Variants in GSR observed in about 807,000 individuals in gnomAD.
The protein encoded by GSR is glutathione-disulfide reductase, also known as glutathione reductase, mitochondrial.
A neutral mutation model predicts 56.5 loss-of-function variants in GSR; 48 were observed. The ratio of observed to expected loss-of-function variants is 0.85; its 90% CI spans 0.67 to 1.08. GSR has a LOEUF of 1.08. Among genes scored for constraint, GSR ranks in the 50% least tolerant of loss-of-function variants. GSR has a pLI of 0.00. For missense variants in GSR, 694 were observed against 703.3 expected (o/e 0.99, Z 0.15); for synonymous variants, 264 against 270.8 (o/e 0.97, Z 0.25).
At chr8:30,689,371 G>GGGAA in intron 8 of GSR, 52 bp from the exon 9 acceptor site, 2 of 1,480,950 alleles carry the variant, frequency 1.4e-6, no homozygotes, top group Non-Finnish European at 1.9e-6. Flanking sequence ...GGGAGGACAG[G>GGGAA]GGAAGAAGGA....
intron 1 of GSR, among the ~76,000 whole-genome samples, chr8:30,724,219 G>A (rs544986844): frequency 6.6e-6 from 1 of 151,968 alleles, no homozygotes; most frequent in Non-Finnish European, 1.5e-5. Context: ...AAACTGAAAG[G>A]AAAAGAAAAA....
chr8:30,680,665 G>T (rs1349841644), intron 12 of GSR, among the ~76,000 whole-genome samples: 1 of 152,100 alleles, frequency 6.6e-6, no homozygotes, highest in African/African-American at 2.4e-5. Flanking sequence ...AGCGTGCTGG[G>T]ATTACAGGTG....
intron 5 of GSR, among the ~76,000 whole-genome samples, chr8:30,700,961 C>T (rs1803716970): frequency 6.6e-6 from 1 of 152,054 alleles, no homozygotes; most frequent in African/African-American, 2.4e-5. Context: ...GTTGCAGTTC[C>T]ATGTTTCTAA....
rs1391444544 is a variant in GSR, at chr8:30,727,562, C to T, written c.274G>A (p.Val92Met). Residue 92 changes from valine (V) to methionine (M), a missense_variant, in exon 1 of 13, where the codon GTG becomes ATG. Transcript: ENST00000221130. ...CCACCCAGCTTGTGGCTCTCCACCA[C>T]GGCGGCCCTGGCACCCAGCTCGGCC... ...RAAELGARAA[V>M]VESHKLGGTC... The T allele has an allele frequency of 2.1e-5, 32 of 1,536,126 alleles. No homozygotes were observed. Among genetic ancestry groups the T allele is most frequent in the Non-Finnish European group, 2.7e-5 (31 of 1,145,028 alleles).
intron 10 of GSR, 66 bp from the exon 11 acceptor site, chr8:30,682,127 C>G: frequency 7.5e-7 from 1 of 1,329,710 alleles, no homozygotes; most frequent in Non-Finnish European, 1.1e-6. Flanking sequence ...AATTGTTCCA[C>G]TAGCCATTTA....
At chr8:30,720,047 A>G (rs1386573522) in intron 1 of GSR, among the ~76,000 whole-genome samples, 1 of 151,904 alleles carries the variant, frequency 6.6e-6, no homozygotes. Flanking sequence ...TCGTCTCCAC[A>G]AATAAAAAAT....
At chr8:30,722,587 G>GCA (rs1191376281) in intron 1 of GSR, among the ~76,000 whole-genome samples, 1 of 151,884 alleles carries the variant, frequency 6.6e-6, no homozygotes, top group Non-Finnish European at 1.5e-5. Context: ...ATCAGCCAGG[G>GCA]CATGGTGGTG....
rs995820319 is a variant in GSR, at chr8:30,682,834, A to T, written c.1154-773T>A. On this transcript the variant is annotated intron_variant, in intron 10 of 12. Transcript: ENST00000221130. The stretch of plus-strand genomic sequence containing the variant: ...TTATTATCATTATTATTATATTATT[A>T]TTTTTTTTTTTTAGACAGAGTCTCG... Among the ~76,000 whole-genome samples, 13 of 144,880 alleles carry T rather than the reference A, an allele frequency of 9.0e-5. No homozygotes were observed. The South Asian group carries it at 1.1e-3, about 12-fold the overall frequency.
chr8:30,718,072 G>C (rs1804397884), intron 1 of GSR, among the ~76,000 whole-genome samples: 1 of 151,808 alleles, frequency 6.6e-6, no homozygotes, highest in South Asian at 2.1e-4. Flanking sequence ...TTGCACTCCA[G>C]CCTGGGCAAC....
chr8:30,708,641 C>A (rs1185749112), intron 3 of GSR, among the ~76,000 whole-genome samples: 1 of 152,084 alleles, frequency 6.6e-6, no homozygotes, highest in Non-Finnish European at 1.5e-5. Flanking sequence ...ATGTTCATAG[C>A]AGCATTGTTC....
intron 9 of GSR, 22 bp from the exon 10 acceptor site, chr8:30,684,221 A>G (rs1231698198): frequency 1.5e-6 from 2 of 1,354,504 alleles, no homozygotes; most frequent in South Asian, 2.3e-5. Flanking sequence ...AAGAGATATC[A>G]TGTAACCACT....
chr8:30,726,677 C>T (rs533167232), intron 1 of GSR, among the ~76,000 whole-genome samples: 6 of 152,156 alleles, frequency 3.9e-5, no homozygotes, highest in Non-Finnish European at 5.9e-5. Flanking sequence ...TGAGAGGATC[C>T]CTTGAGCCCG....
intron 6 of GSR, 88 bp downstream of exon 6, chr8:30,699,993 T>A: frequency 2.1e-6 from 2 of 933,062 alleles, no homozygotes; most frequent in Non-Finnish European, 3.6e-6. Flanking sequence ...AAGGCCTACA[T>A]TAAATGCTTG....
intron 7 of GSR, among the ~76,000 whole-genome samples, chr8:30,694,813 C>T (rs1296352926): frequency 1.3e-5 from 2 of 149,578 alleles, no homozygotes; most frequent in Admixed American, 6.8e-5. Flanking sequence ...GTGGGAAGAT[C>T]GCTTGAGCCC....
chr8:30,700,019 G>C, intron 6 of GSR, 62 bp downstream of exon 6: 1 of 1,230,352 alleles, frequency 8.1e-7, no homozygotes, highest in Non-Finnish European at 1.2e-6. Flanking sequence ...AGAAGACGAA[G>C]AAAAGTTACC....
At chr8:30,709,039 T>C (rs1370174614) in intron 3 of GSR, among the ~76,000 whole-genome samples, 4 of 150,792 alleles carry the variant, frequency 2.7e-5, no homozygotes, top group Admixed American at 6.6e-5. Context: ...GTTTTATCCA[T>C]ATGAAGAAAT....
Position 30,727,694 on chromosome 8 carries a change from G to C in GSR, c.142C>G (p.Gln48Glu). The C allele has an allele frequency of 7.0e-7, 1 of 1,434,436 alleles. No homozygotes were observed. The highest frequency in any genetic ancestry group is 9.1e-7 in the Non-Finnish European group (1 of 1,103,156). 88.9% of individuals were successfully genotyped at this position (1,434,436 alleles called of 1,614,324 possible). A position where few individuals can be genotyped will look rare whatever the true frequency, so the allele number is the denominator to read the frequency against. Residue 48 changes from glutamine (Q) to glutamate (E), a missense_variant, in exon 1 of 13, where the codon CAG becomes GAG. Transcript: ENST00000221130. ...RALSRAMACRQEPQPQGPPPA... is the reference protein window; with the variant it reads ...RALSRAMACREEPQPQGPPPA... ...GGCGGGCCCTGCGGCTGCGGCTCCT[G>C]CCTGCAGGCCATGGCACGGGAGAGG...
intron 8 of GSR, among the ~76,000 whole-genome samples, chr8:30,692,440 C>T (rs1432454526): frequency 1.3e-5 from 2 of 150,176 alleles, no homozygotes; most frequent in African/African-American, 4.9e-5. Flanking sequence ...AGGTGATCCG[C>T]CTGCCTCGAC....
intron 3 of GSR, among the ~76,000 whole-genome samples, chr8:30,708,645 A>G (rs1008506886): frequency 1.3e-5 from 2 of 152,164 alleles, no homozygotes; most frequent in African/African-American, 4.8e-5. Context: ...TCATAGCAGC[A>G]TTGTTCACAA....
Sources: gnomAD v4.1 joint callset for allele counts (sites outside exome capture counted in the v4.1 genomes callset) on GRCh38, gnomAD v4.1.1 for gene constraint, MANE v1.5 for transcripts, NCBI Gene and HGNC (gene_info 2026-07-23, HGNC 2026-07-21) for gene names.